SETD2: variants seen among roughly 807,000 people sequenced by gnomAD.
SETD2 encodes histone-lysine N-methyltransferase SETD2.
Under a neutral mutation model 242.1 loss-of-function variants are expected in SETD2, and 31 were observed. That is an observed-to-expected ratio of 0.13 (90% CI 0.10 to 0.17). SETD2 has a LOEUF of 0.17. Ranked by LOEUF, SETD2 falls within the 10% of genes least tolerant of loss-of-function variation. The probability of loss-of-function intolerance (pLI) is 1.00; values close to 1 mark genes in which losing one functional copy is unlikely to be tolerated. For missense variants in SETD2, 2,481 were observed against 3,046.3 expected, an observed-to-expected ratio of 0.81 and a Z score of 4.37; for synonymous variants, 1,006 against 1,066.5, an observed-to-expected ratio of 0.94 and a Z score of 1.11.
At chr3:47,031,955 G>T (rs1289943169) in intron 18 of SETD2, among the ~76,000 whole-genome samples, 3 of 152,050 alleles carry the variant, frequency 2.0e-5, no homozygotes, top group African/African-American at 4.8e-5. Flanking sequence ...GTTAAGAGTG[G>T]CAGTTTTACA....
chr3:47,163,769 C>G (rs1160763293), intron 1 of SETD2, 85 bp downstream of exon 1: 1 of 1,219,516 alleles, frequency 8.2e-7, no homozygotes, highest in Non-Finnish European at 1.0e-6. Flanking sequence ...CGCGCCGGCC[C>G]GCGCCGCCAC....
intron 9 of SETD2, among the ~76,000 whole-genome samples, chr3:47,095,171 T>C (rs2041957736): frequency 6.6e-6 from 1 of 152,256 alleles, no homozygotes; most frequent in African/African-American, 2.4e-5. Context: ...AGTTTTGCTC[T>C]GTAGCCTAGG....
chr3:47,116,499 CT>C (rs915244392), intron 4 of SETD2, 123 bp downstream of exon 4: 1 of 874,874 alleles, frequency 1.1e-6, no homozygotes, highest in Non-Finnish European at 1.7e-6. Context: ...GTCTACTATA[CT>C]TTTTTGCTTG....
Position 47,121,103 on chromosome 3 carries a change from G to C in SETD2, c.3533C>G (p.Ser1178Cys), listed in dbSNP as rs761968547. ...TGAATTTGGGTGACCCAGAGGGTCAGATTTCACATCTGTATGACTTGTACT... is the reference window on the plus strand; with the variant it reads ...TGAATTTGGGTGACCCAGAGGGTCACATTTCACATCTGTATGACTTGTACT... The part of the protein sequence containing the change: ...VDSTSHTDVK[S>C]DPLGHPNSEE... The change falls in exon 3 of 21, where the codon TCT becomes TGT. Residue 1178 changes from serine to cysteine, a missense_variant. Coordinates refer to ENST00000409792, the MANE Select transcript of SETD2 (RefSeq NM_014159.7). 1 of 1,614,012 alleles carries C rather than the reference G, an allele frequency of 6.2e-7. No homozygotes were observed. The highest frequency in any genetic ancestry group is 8.5e-7 in the Non-Finnish European group (1 of 1,179,910).
chr3:47,105,222 C>T (rs2042362265), intron 6 of SETD2, among the ~76,000 whole-genome samples: 2 of 151,914 alleles, frequency 1.3e-5, no homozygotes, highest in African/African-American at 4.8e-5. Context: ...CCAGCCTGGC[C>T]AACATGGCAA....
At chr3:47,021,034 C>T (rs1171439485) in intron 18 of SETD2, among the ~76,000 whole-genome samples, 1 of 152,124 alleles carries the variant, frequency 6.6e-6, no homozygotes, top group Admixed American at 6.6e-5. Context: ...TATAAAGATC[C>T]AATTTGTTTT....
At chr3:47,101,001 G>C (rs2107681469) in intron 8 of SETD2, among the ~76,000 whole-genome samples, 1 of 98,014 alleles carries the variant, frequency 1.0e-5, no homozygotes, top group Non-Finnish European at 1.8e-5. Flanking sequence ...CAGAGCAAGA[G>C]TCCATCTCAA....
In SETD2 at chr3:47,131,445, G is replaced by A. The variant is rs367849746; in HGVS notation, c.72-4782C>T. On this transcript the variant is annotated intron_variant, in intron 1 of 20. Coordinates refer to ENST00000409792, the MANE Select transcript of SETD2 (RefSeq NM_014159.7). ...TGCAAGCTCCGCCTCCCAGGTTCAC[G>A]CCATTCTCCTGCCTCAGCCTCCCGA... Among the ~76,000 whole-genome samples the A allele has an allele frequency of 1.7e-3, 265 of 152,136 alleles. 9 individuals carry two copies. The South Asian group carries it at 0.053, about 30-fold the overall frequency.
chr3:47,161,963 T>G (rs1391620625), intron 1 of SETD2, among the ~76,000 whole-genome samples: 1 of 150,946 alleles, frequency 6.6e-6, no homozygotes, highest in Non-Finnish European at 1.5e-5. Flanking sequence ...ATATAATCAC[T>G]GTTAGAAATC....
At chr3:47,084,430 T>C (rs1420600277) in intron 11 of SETD2, 48 bp from the exon 12 acceptor site, 2 of 1,242,918 alleles carry the variant, frequency 1.6e-6, no homozygotes, top group Non-Finnish European at 2.2e-6. Context: ...AGTTGACTTT[T>C]TTTTTTTTTT....
chr3:47,123,218 G>A lies in SETD2; in HGVS notation c.1418C>T (p.Thr473Ile), dbSNP rs2043177928. The A allele has an allele frequency of 1.3e-6, 2 of 1,569,240 alleles. No homozygotes were observed. Among genetic ancestry groups the A allele is most frequent in the Non-Finnish European group, 1.7e-6 (2 of 1,154,952 alleles). ...EEYKKTYSRR[T>I]SSHSSSYRDL... Reference sequence around the variant, plus strand: ...TCTGTAAGAAGAGGAATGAGATGAGGTACGCCTTGAGTATGTCTTCTTATA... The same window carrying A: ...TCTGTAAGAAGAGGAATGAGATGAGATACGCCTTGAGTATGTCTTCTTATA... Residue 473 changes from threonine (T) to isoleucine (I), a missense_variant, in exon 3 of 21, where the codon ACC becomes ATC. Coordinates refer to ENST00000409792, the MANE Select transcript of SETD2 (RefSeq NM_014159.7).
At chr3:47,147,694 C>T (rs375766328) in intron 1 of SETD2, among the ~76,000 whole-genome samples, 2 of 151,456 alleles carry the variant, frequency 1.3e-5, no homozygotes, top group South Asian at 2.1e-4. Flanking sequence ...GAGGCCAAGG[C>T]GGGCAGATTA....
intron 1 of SETD2, among the ~76,000 whole-genome samples, chr3:47,159,504 CCATCT>C (rs776105396): frequency 6.6e-6 from 1 of 152,164 alleles, no homozygotes; most frequent in Non-Finnish European, 1.5e-5. Flanking sequence ...TCTTATATTA[CCATCT>C]TGGTACTGGC....
intron 1 of SETD2, among the ~76,000 whole-genome samples, chr3:47,147,288 C>T (rs2043877617): frequency 6.6e-6 from 1 of 150,452 alleles, no homozygotes; most frequent in Admixed American, 6.6e-5. Flanking sequence ...GCTGGGATTA[C>T]AGGCGTGAGC....
chr3:47,084,405 T>C, intron 11 of SETD2, 23 bp from the exon 12 acceptor site: 1 of 1,519,568 alleles, frequency 6.6e-7, no homozygotes, highest in African/African-American at 1.4e-5. Context: ...AAAAAAAAAT[T>C]ACATCACTTT....
At position 47,122,611 on chromosome 3, in the gene SETD2, T is replaced by A. The variant is rs1462921281; in HGVS notation, c.2025A>T (p.Gly675=). The change falls in exon 3 of 21, where the codon GGA becomes GGT. Residue 675 remains glycine, a synonymous_variant. Coordinates refer to ENST00000409792, the MANE Select transcript of SETD2 (RefSeq NM_014159.7). ...SFCPIELNIN[G]SPGAESDLAT... ...CCAAATCAGATTCTGCCCCAGGAGA[T>A]CCATTTATATTTAATTCTATGGGAC... 1 of 1,614,022 alleles carries A rather than the reference T, an allele frequency of 6.2e-7. No individual in the cohort carries two copies. The highest frequency in any genetic ancestry group is 1.1e-5 in the South Asian group (1 of 91,072).
At chr3:47,038,225 C>T (rs148733096) in intron 17 of SETD2, among the ~76,000 whole-genome samples, 2 of 152,326 alleles carry the variant, frequency 1.3e-5, no homozygotes, top group East Asian at 1.9e-4. Context: ...TCCTTGACCA[C>T]GTGAGAAAAT....
chr3:47,077,550 T>C (rs1276871378), intron 12 of SETD2, among the ~76,000 whole-genome samples: 1 of 152,134 alleles, frequency 6.6e-6, no homozygotes. Context: ...AAACAAATGA[T>C]AGATAATAGA....
intron 14 of SETD2, 128 bp from the exon 15 acceptor site, chr3:47,057,618 C>A (rs2107578882): frequency 1.5e-6 from 1 of 653,732 alleles, no homozygotes. Flanking sequence ...CACTGGTTTA[C>A]AACTATACTC....
Sources: allele counts gnomAD v4.1 joint callset (sites outside exome capture counted in the v4.1 genomes callset), GRCh38; gene constraint gnomAD v4.1.1; transcripts MANE v1.5; gene names NCBI Gene and HGNC (gene_info 2026-07-23, HGNC 2026-07-21).